The following PARD3B variants were observed in gnomAD, a reference collection of about 807,000 sequenced individuals.
PARD3B encodes the protein partitioning defective 3 homolog B.
Under a neutral mutation model 130.2 loss-of-function variants are expected in PARD3B, and 103 were observed. That is an observed-to-expected ratio of 0.79 (90% CI 0.67 to 0.93). The LOEUF (loss-of-function observed/expected upper bound fraction) is 0.93. PARD3B is among the 40% of genes least tolerant of loss of function. The probability of loss-of-function intolerance (pLI) is 0.00; values close to 1 mark genes in which losing one functional copy is unlikely to be tolerated. For synonymous variants in PARD3B, 583 were observed against 553.2 expected (o/e 1.05, Z -0.76); for missense variants, 1,609 against 1,499.2 (o/e 1.07, Z -1.21).
chr2:205,554,445 A>G (rs2052789541), intron 22 of PARD3B, among the ~76,000 whole-genome samples: 1 of 152,272 alleles, frequency 6.6e-6, no homozygotes, highest in Non-Finnish European at 1.5e-5. Context: ...TCTGAAATCT[A>G]GCAGAGAAGC....
At position 205,229,371 on chromosome 2, in the gene PARD3B, A is replaced by C. The variant is rs2038719117; in HGVS notation, c.2141-16407A>C. Among the ~76,000 whole-genome samples the C allele has an allele frequency of 6.6e-6, 1 of 152,224 alleles. No homozygotes were observed. The highest frequency in any genetic ancestry group is 2.4e-5 in the African/African-American group (1 of 41,470). On this transcript the variant is annotated intron_variant, in intron 15 of 22. Coordinates refer to ENST00000406610, the MANE Select transcript of PARD3B (RefSeq NM_001302769.2). The surrounding 1 kb of genome is among the most constrained non-coding windows in gnomAD (Gnocchi z 5.2). ...CCATAACTGCATTAGGGGGCACCCC[A>C]AGCCCAGTAATGCTGTGACTCTTAC...
intron 18 of PARD3B, among the ~76,000 whole-genome samples, chr2:205,383,160 C>T (rs753622424): frequency 1.6e-5 from 1 of 61,602 alleles, no homozygotes; most frequent in Non-Finnish European, 5.2e-5. Context: ...ACTATGTCTA[C>T]ACATATCTAT....
At chr2:205,232,412 G>A (rs1321995261) in intron 15 of PARD3B, among the ~76,000 whole-genome samples, 2 of 152,062 alleles carry the variant, frequency 1.3e-5, no homozygotes, top group East Asian at 1.9e-4. Flanking sequence ...TCCAACTTGG[G>A]TAGCAGAGCC....
chr2:205,519,753 T>C (rs1400573456), intron 21 of PARD3B, among the ~76,000 whole-genome samples: 1 of 144,478 alleles, frequency 6.9e-6, no homozygotes, highest in Non-Finnish European at 1.5e-5. Flanking sequence ...GTCAGTAGAC[T>C]TCTTTTCTGG....
intron 3 of PARD3B, among the ~76,000 whole-genome samples, chr2:204,996,404 G>A (rs1694182741): frequency 6.6e-6 from 1 of 152,162 alleles, no homozygotes; most frequent in Non-Finnish European, 1.5e-5. Context: ...GGGGTCAGGG[G>A]TCAGGGACCC....
intron 20 of PARD3B, among the ~76,000 whole-genome samples, chr2:205,477,966 A>C (rs958455618): frequency 6.6e-5 from 10 of 152,214 alleles, no homozygotes; most frequent in African/African-American, 2.4e-4. Flanking sequence ...TAGTACCATC[A>C]ACATCCCAAC....
chr2:204,692,440 G>A lies in PARD3B; in HGVS notation c.222+6158G>A, dbSNP rs569752701. Reference sequence around the variant, plus strand: ...GTGTAACTTATTCAGTCTGTAGTTGGACAATCTATGAAGTATATTGTGTTT... The same window carrying A: ...GTGTAACTTATTCAGTCTGTAGTTGAACAATCTATGAAGTATATTGTGTTT... On this transcript the variant is annotated intron_variant, in intron 2 of 22. Transcript: ENST00000406610. 2.9e-3 allele frequency among the ~76,000 whole-genome samples: 448 copies of A among 152,010 alleles called. 1 individual carries two copies. The highest frequency in any genetic ancestry group is 9.6e-3 in the African/African-American group (397 of 41,516).
At chr2:204,585,244 A>G (rs1405398962) in intron 1 of PARD3B, among the ~76,000 whole-genome samples, 1 of 152,134 alleles carries the variant, frequency 6.6e-6, no homozygotes, top group Non-Finnish European at 1.5e-5. Flanking sequence ...CCTGAAAACA[A>G]CCCAGCAGTA....
chr2:205,540,426 A>T (rs537516226), intron 21 of PARD3B, among the ~76,000 whole-genome samples: 2 of 152,202 alleles, frequency 1.3e-5, no homozygotes, highest in East Asian at 3.9e-4. Flanking sequence ...TTTTGGTGGC[A>T]AAATTGTCCA....
intron 2 of PARD3B, among the ~76,000 whole-genome samples, chr2:204,809,347 G>T (rs1463767533): frequency 6.6e-6 from 1 of 152,048 alleles, no homozygotes; most frequent in Non-Finnish European, 1.5e-5. Context: ...TGAAACCTTT[G>T]CCAGTTTCTA....
intron 3 of PARD3B, among the ~76,000 whole-genome samples, chr2:205,002,006 A>C (rs1225516140): frequency 6.6e-6 from 1 of 152,190 alleles, no homozygotes; most frequent in African/African-American, 2.4e-5. Flanking sequence ...AAATCTTGAG[A>C]ATTTCCCCCT....
intron 2 of PARD3B, among the ~76,000 whole-genome samples, chr2:204,893,448 GT>G (rs201511478): frequency 8.0e-5 from 12 of 150,804 alleles, no homozygotes; most frequent in South Asian, 2.1e-4. Context: ...TAAATAAATG[GT>G]TTTTTTTTGC....
At chr2:205,132,847 A>C (rs2032134532) in intron 10 of PARD3B, among the ~76,000 whole-genome samples, 1 of 152,216 alleles carries the variant, frequency 6.6e-6, no homozygotes, top group African/African-American at 2.4e-5. Context: ...GTTGACGCAC[A>C]GTGAGTGCCA....
intron 2 of PARD3B, among the ~76,000 whole-genome samples, chr2:204,895,318 T>C (rs753161838): frequency 4.6e-5 from 7 of 152,124 alleles, no homozygotes; most frequent in Non-Finnish European, 8.8e-5. Context: ...TTTATGCAAC[T>C]TTAAGAAAAG....
Position 205,151,036 on chromosome 2 carries a change from T to A in PARD3B, c.1435-7686T>A, listed in dbSNP as rs849130. 7.7e-3 allele frequency among the ~76,000 whole-genome samples: 1,172 copies of A among 152,324 alleles called. 18 individuals carry two copies. The highest frequency in any genetic ancestry group is 0.027 in the African/African-American group (1,107 of 41,560). On this transcript the variant is annotated intron_variant, in intron 10 of 22. Coordinates refer to ENST00000406610, the MANE Select transcript of PARD3B (RefSeq NM_001302769.2). ...CATACAAATTCGTAAGAATATAAGG[T>A]AATGCATATGTTAATTAGCTCAATT...
intron 1 of PARD3B, among the ~76,000 whole-genome samples, chr2:204,682,348 C>T (rs921213604): frequency 6.6e-6 from 1 of 152,128 alleles, no homozygotes; most frequent in African/African-American, 2.4e-5. Flanking sequence ...AATTCACCTA[C>T]CTTGGTTTTC....
rs1190475937 is a variant in PARD3B, at chr2:205,460,655, A to G, written c.3044+19983A>G. On this transcript the variant is annotated intron_variant, in intron 20 of 22. Coordinates refer to ENST00000406610, the MANE Select transcript of PARD3B (RefSeq NM_001302769.2). This position sits in a 1 kb window ranked among gnomAD's most constrained non-coding sequence, Gnocchi z 4.9. ...AGCTGCTGTGATCTTTGTCCATACA[A>G]TGTAACATCTTTGAGCCTCTCTTTG... Among the ~76,000 whole-genome samples the G allele has an allele frequency of 1.3e-5, 2 of 152,114 alleles. No homozygotes were observed. The highest frequency in any genetic ancestry group is 1.9e-4 in the East Asian group (1 of 5,184).
At chr2:205,071,007 A>G (rs945170254) in intron 4 of PARD3B, among the ~76,000 whole-genome samples, 1 of 152,112 alleles carries the variant, frequency 6.6e-6, no homozygotes, top group African/African-American at 2.4e-5. Context: ...GTAAAAAAAA[A>G]AACCACTTAA....
chr2:205,108,191 A>C (rs912844873), intron 5 of PARD3B, among the ~76,000 whole-genome samples: 1 of 152,180 alleles, frequency 6.6e-6, no homozygotes, highest in African/African-American at 2.4e-5. Context: ...TTTCAGCTAG[A>C]TTATTGCAAT....
Sources: gnomAD v4.1 joint callset for allele counts (sites outside exome capture counted in the v4.1 genomes callset) on GRCh38, gnomAD v4.1.1 for gene constraint, Gnocchi (gnomAD v3.1) non-coding constraint, MANE v1.5 for transcripts, NCBI Gene and HGNC (gene_info 2026-07-23, HGNC 2026-07-21) for gene names.